The following CFAP46 variants were observed in gnomAD, a reference collection of about 807,000 sequenced individuals.
CFAP46 encodes cilia and flagella associated protein 46.
In CFAP46, 245 loss-of-function variants were observed where a neutral mutation model predicts 325.7. That is an observed-to-expected ratio of 0.75 (90% CI 0.68 to 0.84). The LOEUF (loss-of-function observed/expected upper bound fraction) is 0.84, where lower values mean the gene tolerates loss of function less well. Among genes scored for constraint, CFAP46 ranks in the 40% least tolerant of loss-of-function variants. CFAP46 has a pLI of 0.00. For synonymous variants in CFAP46, 1,523 were observed against 1,495.9 expected, an observed-to-expected ratio of 1.02 and a Z score of -0.42; for missense variants, 3,346 against 3,543.0, an observed-to-expected ratio of 0.94 and a Z score of 1.41.
At chr10:132,881,306 C>T (rs1209474354) in intron 27 of CFAP46, among the ~76,000 whole-genome samples, 1 of 152,176 alleles carries the variant, frequency 6.6e-6, no homozygotes, top group Non-Finnish European at 1.5e-5. Context: ...ATGCCACCCT[C>T]CTGGGGACTC....
At position 132,889,128 on chromosome 10, in the gene CFAP46, C is replaced by T. The variant is rs1849221234; in HGVS notation, c.3305-3169G>A. 1.3e-5 allele frequency among the ~76,000 whole-genome samples: 2 copies of T among 152,224 alleles called. No homozygotes were observed. The highest frequency in any genetic ancestry group is 2.9e-5 in the Non-Finnish European group (2 of 68,046). On this transcript the variant is annotated intron_variant, in intron 25 of 57. Transcript: ENST00000368586. This position sits in a 1 kb window ranked among gnomAD's most constrained non-coding sequence, Gnocchi z 6.0. Reference sequence around the variant, plus strand: ...TTTCTCCCAGCGCCCTCCCCCAGCACTCTGCAGGCCACAGTGCTGAGGGCT... The same window carrying T: ...TTTCTCCCAGCGCCCTCCCCCAGCATTCTGCAGGCCACAGTGCTGAGGGCT...
At chr10:132,865,630 C>A (rs1044288286) in intron 35 of CFAP46, among the ~76,000 whole-genome samples, 1 of 152,170 alleles carries the variant, frequency 6.6e-6, no homozygotes, top group African/African-American at 2.4e-5. Context: ...CAGGCAGCCC[C>A]GCACACAATC....
intron 50 of CFAP46, among the ~76,000 whole-genome samples, chr10:132,831,973 C>T (rs1004522136): frequency 2.0e-5 from 3 of 152,038 alleles, no homozygotes; most frequent in Admixed American, 1.3e-4. Context: ...AGTCTATCTC[C>T]AAGTAATATT....
At chr10:132,897,833 C>A (rs1303536001) in intron 24 of CFAP46, among the ~76,000 whole-genome samples, 1 of 152,246 alleles carries the variant, frequency 6.6e-6, no homozygotes, top group Non-Finnish European at 1.5e-5. Flanking sequence ...AGGAGGCCAG[C>A]ATGGGGAGAG....
At chr10:132,830,717 A>T (rs1376458306) in intron 50 of CFAP46, among the ~76,000 whole-genome samples, 1 of 152,136 alleles carries the variant, frequency 6.6e-6, no homozygotes, top group Non-Finnish European at 1.5e-5. Context: ...TGACCTGACT[A>T]GAGGTGTATT....
chr10:132,866,120 G>T lies in CFAP46; in HGVS notation c.4795C>A (p.Pro1599Thr). ...TGRDLDGTSF[P>T]HLWMLKAEVL... is the part of the protein sequence containing the mutation. ...TCTGCCTTCAGCATCCACAGGTGGG[G>T]AAAGGACGTCCCATCCAGGTCCCTC... The change falls in exon 35 of 58, where the codon CCC becomes ACC. Residue 1599 changes from proline (P) to threonine (T), a missense_variant. Pro to Thr is a conservative substitution (Grantham distance 38). Transcript: ENST00000368586. The T allele has an allele frequency of 6.5e-7, 1 of 1,544,982 alleles. No homozygotes were observed.
intron 11 of CFAP46, among the ~76,000 whole-genome samples, chr10:132,923,175 C>T (rs1849753180): frequency 1.3e-5 from 2 of 151,556 alleles, no homozygotes; most frequent in Non-Finnish European, 2.9e-5. Context: ...TGTAGGGGTA[C>T]CCCGGAACCC....
At chr10:132,822,557 CGCTGATGTGT>C (rs1565036391) in intron 50 of CFAP46, among the ~76,000 whole-genome samples, 2 of 89,544 alleles carry the variant, frequency 2.2e-5, no homozygotes, top group East Asian at 7.8e-4. Flanking sequence ...GCTGTGTGTG[CGCTGATGTGT>C]GCTGTGTGTG....
rs145644069 is a variant in CFAP46, at chr10:132,899,361, G to T, written c.3056+174C>A. On this transcript the variant is annotated intron_variant, in intron 23 of 57. Transcript: ENST00000368586. ...CCCAGGTGGGTACAAGGGCAAGAGG[G>T]GGCCGCTGCACCTCCCTGAAGACTG... 9.4e-3 allele frequency among the ~76,000 whole-genome samples: 1,436 copies of T among 152,286 alleles called. 14 individuals carry two copies. Among genetic ancestry groups the T allele is most frequent in the South Asian group, 0.043 (208 of 4,828 alleles).
At chr10:132,926,430 C>T (rs1192806887) in intron 10 of CFAP46, 138 bp downstream of exon 10, 7 of 665,212 alleles carry the variant, frequency 1.1e-5, no homozygotes, top group South Asian at 7.0e-5. Context: ...CCCGCTGTCA[C>T]GGGAGCCAGG....
At chr10:132,812,649 G>T (rs1017784382) in intron 55 of CFAP46, 136 bp downstream of exon 55, 18 of 628,642 alleles carry the variant, frequency 2.9e-5, no homozygotes, top group Non-Finnish European at 2.8e-5. Context: ...TGCAGTCACA[G>T]AGGGTGGGGG....
chr10:132,819,085 C>T (rs529024311), intron 50 of CFAP46, among the ~76,000 whole-genome samples: 1 of 152,186 alleles, frequency 6.6e-6, no homozygotes, highest in South Asian at 2.1e-4. Flanking sequence ...CAGTACTATA[C>T]ATTACAATGA....
Position 132,941,706 on chromosome 10 carries a change from A to T in CFAP46, c.191T>A (p.Val64Glu), listed in dbSNP as rs1591105014. The T allele has an allele frequency of 1.2e-6, 2 of 1,613,710 alleles. No homozygotes were observed. Among genetic ancestry groups the T allele is most frequent in the Non-Finnish European group, 1.7e-6 (2 of 1,179,996 alleles). The change falls in exon 3 of 58, where the codon GTG (valine) becomes GAG (glutamate). Residue 64 changes from valine (V) to glutamate (E), a missense_variant. Val to Glu is a moderately radical substitution (Grantham distance 121). Coordinates refer to ENST00000368586, the MANE Select transcript of CFAP46 (RefSeq NM_001200049.3). ...GTACATTTGGATGCAGTCCTCGCTC[A>T]CCTCTGGCTGCCTCATCTGCAAGAG... ...EQALKMRQPE[V>E]SEDCIQMYFK...
chr10:132,812,743 C>T (rs111462409), intron 55 of CFAP46, 42 bp downstream of exon 55: 39,691 of 1,490,798 alleles, frequency 0.027, 2,216 homozygotes, highest in African/African-American at 0.23. Context: ...CGGGTTTGTC[C>T]TGTGCCCGCG....
At chr10:132,857,333 C>T (rs1476970392) in intron 39 of CFAP46, among the ~76,000 whole-genome samples, 2 of 152,252 alleles carry the variant, frequency 1.3e-5, no homozygotes, top group African/African-American at 4.8e-5. Context: ...CACCAGCGGA[C>T]TCCACCTGAG....
In CFAP46 at chr10:132,810,424, C is replaced by T. The variant is rs375166106; in HGVS notation, c.7649G>A (p.Arg2550Gln). 182 of 1,613,338 alleles carry T rather than the reference C, an allele frequency of 1.1e-4. No homozygotes were observed. The highest frequency in any genetic ancestry group is 4.9e-4 in the Middle Eastern group (3 of 6,084). ...CCTCCCTTACCTTGGTTCACCGCCT[C>T]GTCGCCACTCATCTTCTGAAGGAGA... The part of the protein sequence containing the change: ...SASPSEDEWR[R>Q]GGEPRRGFSD... Residue 2550 changes from arginine (R) to glutamine (Q), a missense_variant, in exon 57 of 58, where the codon CGA becomes CAA. Transcript: ENST00000368586.
chr10:132,900,549 G>A (rs1457300822), intron 22 of CFAP46, among the ~76,000 whole-genome samples: 4 of 152,262 alleles, frequency 2.6e-5, no homozygotes, highest in African/African-American at 9.6e-5. Context: ...TGCAGGAGCA[G>A]ACAGCCACTT....
intron 13 of CFAP46, among the ~76,000 whole-genome samples, chr10:132,920,540 C>T (rs1026533424): frequency 6.6e-6 from 1 of 152,230 alleles, no homozygotes; most frequent in Non-Finnish European, 1.5e-5. Flanking sequence ...CCAGCCCCTG[C>T]GTAGCACCCC....
chr10:132,810,810 G>A (rs990072137), intron 56 of CFAP46, 140 bp downstream of exon 56: 6 of 828,736 alleles, frequency 7.2e-6, no homozygotes, highest in Non-Finnish European at 1.2e-5. Flanking sequence ...GCCAACTGCT[G>A]GAACGCATGT....
Sources: allele counts gnomAD v4.1 joint callset (sites outside exome capture counted in the v4.1 genomes callset), GRCh38; gene constraint gnomAD v4.1.1; non-coding constraint Gnocchi (gnomAD v3.1); transcripts MANE v1.5; gene names NCBI Gene and HGNC (gene_info 2026-07-23, HGNC 2026-07-21).